Variants in TSPAN12 observed in about 807,000 individuals in gnomAD.
The protein encoded by TSPAN12 is tetraspanin 12.
A neutral mutation model predicts 39.2 loss-of-function variants in TSPAN12; 19 were observed. The observed-to-expected ratio is 0.49, with a 90% CI of 0.34 to 0.71. The LOEUF (loss-of-function observed/expected upper bound fraction) is 0.71, where lower values mean the gene tolerates loss of function less well. Among genes scored for constraint, TSPAN12 ranks in the 30% least tolerant of loss-of-function variants. The pLI is 0.01. For synonymous variants in TSPAN12, 119 were observed against 124.8 expected, an observed-to-expected ratio of 0.95 and a Z score of 0.31; for missense variants, 314 against 359.9, an observed-to-expected ratio of 0.87 and a Z score of 1.03.
rs917717044 is a variant in TSPAN12, at chr7:120,787,442, T to C, written c.*1150A>G. ...CATTTCAAATAAATATACTATACTC[T>C]TGTAAAAAAATTTAATAATCTGTGT... On this transcript the variant is annotated 3_prime_UTR_variant, in exon 8 of 8. Coordinates refer to ENST00000222747, the MANE Select transcript of TSPAN12 (RefSeq NM_012338.4). The C allele has an allele frequency of 1.3e-5, 2 of 152,586 alleles. No homozygotes were observed. The highest frequency in any genetic ancestry group is 2.4e-5 in the African/African-American group (1 of 41,456). The allele number at this position is 152,586 out of a possible 1,614,324, so 9.5% of individuals were successfully genotyped here.
At chr7:120,803,080 A>G (rs569754831) in intron 7 of TSPAN12, among the ~76,000 whole-genome samples, 1 of 152,306 alleles carries the variant, frequency 6.6e-6, no homozygotes, top group South Asian at 2.1e-4. Flanking sequence ...TTAAAAACCC[A>G]TTCTACACTA....
chr7:120,828,623 A>G (rs1305252600), intron 4 of TSPAN12, among the ~76,000 whole-genome samples: 3 of 150,512 alleles, frequency 2.0e-5, no homozygotes, highest in Non-Finnish European at 4.4e-5. Context: ...AATAGAAGAC[A>G]ACGATTGTTC....
intron 1 of TSPAN12, chr7:120,857,257 G>C (rs1794890238): frequency 4.0e-6 from 1 of 250,982 alleles, no homozygotes; most frequent in Non-Finnish European, 7.8e-6. Flanking sequence ...AGGCGCCACC[G>C]GCAAGCCCGA....
At chr7:120,856,674 G>T in intron 2 of TSPAN12, 24 bp downstream of exon 2, 1 of 1,613,598 alleles carries the variant, frequency 6.2e-7, no homozygotes, top group Non-Finnish European at 8.5e-7. Context: ...GTTCCCACCT[G>T]TTGGTGCAGT....
intron 4 of TSPAN12, among the ~76,000 whole-genome samples, chr7:120,826,021 T>C (rs1794280030): frequency 6.6e-6 from 1 of 152,220 alleles, no homozygotes; most frequent in South Asian, 2.1e-4. Context: ...AGCCCACCAG[T>C]ATCAATAACT....
At chr7:120,823,290 T>C (rs1464609125) in intron 4 of TSPAN12, among the ~76,000 whole-genome samples, 1 of 150,402 alleles carries the variant, frequency 6.6e-6, no homozygotes, top group Non-Finnish European at 1.5e-5. Flanking sequence ...AGGTCTAGAA[T>C]GTTCTGATAT....
At position 120,856,845 on chromosome 7, in the gene TSPAN12, G is replaced by A; in HGVS notation, c.-70-12C>T. The A allele has an allele frequency of 1.4e-6, 2 of 1,448,646 alleles. No individual in the cohort carries two copies. Among genetic ancestry groups the A allele is most frequent in the East Asian group, 2.3e-5 (1 of 43,768 alleles). The allele number at this position is 1,448,646 out of a possible 1,614,324, so 89.7% of individuals were successfully genotyped here. The stretch of plus-strand genomic sequence containing the variant: ...AAAACGGCAGCGATCTGCAGGGGGC[G>A]GGGGAGAGAGAACACGGGACATCTC... On this transcript the variant is annotated splice_polypyrimidine_tract_variant and intron_variant, in intron 1 of 7. Transcript: ENST00000222747.
chr7:120,822,527 CAAAGCAG>C (rs145562825), intron 4 of TSPAN12, among the ~76,000 whole-genome samples: 4,251 of 152,194 alleles, frequency 0.028, 188 homozygotes, highest in African/African-American at 0.098. Context: ...TGGAAAAGTG[CAAAGCAG>C]AGAGCAGAGT....
intron 4 of TSPAN12, among the ~76,000 whole-genome samples, chr7:120,837,318 T>A (rs1794496370): frequency 6.7e-6 from 1 of 150,068 alleles, no homozygotes; most frequent in Non-Finnish European, 1.5e-5. Flanking sequence ...TTTATTTATT[T>A]TTTTTTTTTT....
intron 2 of TSPAN12, among the ~76,000 whole-genome samples, chr7:120,843,801 G>A (rs1476978945): frequency 6.6e-6 from 1 of 152,188 alleles, no homozygotes; most frequent in East Asian, 1.9e-4. Flanking sequence ...GCAGAAGACT[G>A]TTGGCTCTTT....
At chr7:120,803,551 T>C (rs1487660246) in intron 7 of TSPAN12, among the ~76,000 whole-genome samples, 2 of 152,196 alleles carry the variant, frequency 1.3e-5, no homozygotes, top group Non-Finnish European at 2.9e-5. Context: ...AAATCAACTA[T>C]ACATATAATT....
intron 6 of TSPAN12, among the ~76,000 whole-genome samples, chr7:120,809,019 A>G (rs776120831): frequency 4.0e-5 from 6 of 151,268 alleles, no homozygotes; most frequent in Non-Finnish European, 8.8e-5. Context: ...GTGAAGACAC[A>G]GGGAGAAGAT....
At chr7:120,812,593 T>G (rs970015535) in intron 5 of TSPAN12, among the ~76,000 whole-genome samples, 2 of 151,006 alleles carry the variant, frequency 1.3e-5, no homozygotes, top group Non-Finnish European at 3.0e-5. Flanking sequence ...CTTTGTTAAC[T>G]TTTTTTTTGA....
intron 4 of TSPAN12, among the ~76,000 whole-genome samples, chr7:120,836,752 T>A (rs1794484508): frequency 6.6e-6 from 1 of 152,232 alleles, no homozygotes; most frequent in African/African-American, 2.4e-5. Flanking sequence ...ATTATAATGC[T>A]CTTGCCAGTA....
intron 4 of TSPAN12, among the ~76,000 whole-genome samples, chr7:120,833,101 T>A (rs1373502166): frequency 6.6e-6 from 1 of 152,082 alleles, no homozygotes; most frequent in African/African-American, 2.4e-5. Flanking sequence ...ATTAGTCTAA[T>A]AGAGTTGCTG....
intron 4 of TSPAN12, among the ~76,000 whole-genome samples, chr7:120,820,081 T>A (rs1794160149): frequency 6.6e-6 from 1 of 152,162 alleles, no homozygotes; most frequent in South Asian, 2.1e-4. Context: ...GTGTTCCTCA[T>A]GTTTCTTGCT....
chr7:120,827,291 G>T (rs914093882), intron 4 of TSPAN12, among the ~76,000 whole-genome samples: 5 of 152,108 alleles, frequency 3.3e-5, no homozygotes, highest in Non-Finnish European at 5.9e-5. Flanking sequence ...AAAGGAAATA[G>T]TTTCGTTTAA....
chr7:120,852,881 A>G (rs763160706), intron 2 of TSPAN12, among the ~76,000 whole-genome samples: 1 of 152,172 alleles, frequency 6.6e-6, no homozygotes, highest in Non-Finnish European at 1.5e-5. Context: ...GAGACTAAGA[A>G]AGAAAACTAT....
chr7:120,824,540 A>G (rs1794249080), intron 4 of TSPAN12, among the ~76,000 whole-genome samples: 1 of 152,244 alleles, frequency 6.6e-6, no homozygotes, highest in East Asian at 1.9e-4. Context: ...CATAGAACCT[A>G]GAATTCTGTT....
Sources: allele counts gnomAD v4.1 joint callset (sites outside exome capture counted in the v4.1 genomes callset), GRCh38; gene constraint gnomAD v4.1.1; transcripts MANE v1.5; gene names NCBI Gene and HGNC (gene_info 2026-07-23, HGNC 2026-07-21).